Variants in FAM135B observed in about 807,000 individuals in gnomAD.
The protein encoded by FAM135B is protein FAM135B.
Under a neutral mutation model 127.7 loss-of-function variants are expected in FAM135B, and 43 were observed. The observed-to-expected ratio is 0.34, with a 90% CI of 0.26 to 0.43. The LOEUF (loss-of-function observed/expected upper bound fraction) is 0.43. Ranked by LOEUF, FAM135B falls within the 20% of genes least tolerant of loss-of-function variation. FAM135B has a pLI of 1.00. For missense variants in FAM135B, 1,558 were observed against 1,725.6 expected, an observed-to-expected ratio of 0.90 and a Z score of 1.72; for synonymous variants, 670 against 665.1, an observed-to-expected ratio of 1.01 and a Z score of -0.11.
At chr8:138,228,849 G>A (rs997190289) in intron 7 of FAM135B, among the ~76,000 whole-genome samples, 3 of 152,142 alleles carry the variant, frequency 2.0e-5, no homozygotes, top group African/African-American at 4.8e-5. Flanking sequence ...CCAGCCATCC[G>A]GCTGCAGCAT....
intron 1 of FAM135B, among the ~76,000 whole-genome samples, chr8:138,397,553 T>C (rs887302496): frequency 1.3e-5 from 2 of 152,196 alleles, no homozygotes; most frequent in Non-Finnish European, 2.9e-5. Flanking sequence ...TTGTAGTATG[T>C]TATGCACACA....
intron 9 of FAM135B, among the ~76,000 whole-genome samples, chr8:138,182,493 C>T (rs1005138277): frequency 2.0e-5 from 3 of 152,206 alleles, no homozygotes; most frequent in African/African-American, 7.2e-5. Flanking sequence ...CACTCCCCTA[C>T]TCCCTTGCTC....
At chr8:138,165,216 G>A (rs546455357) in intron 12 of FAM135B, among the ~76,000 whole-genome samples, 1 of 151,754 alleles carries the variant, frequency 6.6e-6, no homozygotes, top group Admixed American at 6.6e-5. Context: ...TGCCTCCCAG[G>A]TTCAAGCGAT....
chr8:138,257,720 C>G (rs1822200665), intron 4 of FAM135B, among the ~76,000 whole-genome samples: 1 of 152,004 alleles, frequency 6.6e-6, no homozygotes, highest in Non-Finnish European at 1.5e-5. Context: ...ATTTTGGAGG[C>G]AGTGTTACAA....
At chr8:138,457,997 A>C (rs1407258122) in intron 1 of FAM135B, among the ~76,000 whole-genome samples, 1 of 148,998 alleles carries the variant, frequency 6.7e-6, no homozygotes, top group Admixed American at 6.7e-5. Flanking sequence ...AAAAAGAGAG[A>C]GAAAAAAACT....
intron 4 of FAM135B, among the ~76,000 whole-genome samples, chr8:138,261,433 G>A (rs773439121): frequency 5.9e-5 from 9 of 152,166 alleles, no homozygotes; most frequent in Non-Finnish European, 1.2e-4. Context: ...TAGGAGCTTA[G>A]CACTAAATAC....
Position 138,143,204 on chromosome 8 carries a change from C to A in FAM135B, c.3541-95G>T, listed in dbSNP as rs961595258. 1.0e-5 allele frequency: 7 copies of A among 703,422 alleles called. No individual in the cohort carries two copies. In the African/African-American group the frequency reaches 1.0e-4, roughly 11 times the overall value. The allele number at this position is 703,422 out of a possible 1,614,324, so 43.6% of individuals were successfully genotyped here. A position where few individuals can be genotyped will look rare whatever the true frequency, so the allele number is the denominator to read the frequency against. ...GTTCTTCCACTAAACACTGTGGCGC[C>A]TACTGGGGATGTGCCTACCTCTGAT... On this transcript the variant is annotated intron_variant, in intron 15 of 19. Coordinates refer to ENST00000395297, the MANE Select transcript of FAM135B (RefSeq NM_015912.4).
At chr8:138,256,784 G>A (rs1822130407) in intron 4 of FAM135B, 25 bp from the exon 5 acceptor site, 2 of 1,589,040 alleles carry the variant, frequency 1.3e-6, no homozygotes, top group Non-Finnish European at 1.7e-6. Context: ...AAGTCCAAGG[G>A]ATTTCAGGAG....
chr8:138,265,898 A>G, intron 3 of FAM135B, 56 bp from the exon 4 acceptor site: 8 of 1,549,170 alleles, frequency 5.2e-6, no homozygotes, highest in Non-Finnish European at 7.0e-6. Context: ...CTGTACCTGC[A>G]GCCCTGTCAG....
intron 2 of FAM135B, among the ~76,000 whole-genome samples, chr8:138,335,660 G>C (rs377214746): frequency 2.0e-5 from 3 of 152,162 alleles, no homozygotes; most frequent in African/African-American, 7.2e-5. Context: ...AATAATGGGA[G>C]ACTTTAACAC....
At chr8:138,394,054 G>A (rs574193246) in intron 1 of FAM135B, among the ~76,000 whole-genome samples, 1 of 152,338 alleles carries the variant, frequency 6.6e-6, no homozygotes, top group African/African-American at 2.4e-5. Context: ...TCTGTGCCTT[G>A]ACTAAGAGGA....
rs2130405685 is a variant in FAM135B, at chr8:138,243,968, G to A, written c.543-900C>T. On this transcript the variant is annotated intron_variant, in intron 6 of 19. Transcript: ENST00000395297. This position sits in a 1 kb window ranked among gnomAD's most constrained non-coding sequence, Gnocchi z 7.5. Reference sequence around the variant, plus strand: ...GCAAAGAGGGTCTTGACAATAAATAGCCCCAGGTGACATCATCTTCATCAT... The same window carrying A: ...GCAAAGAGGGTCTTGACAATAAATAACCCCAGGTGACATCATCTTCATCAT... Among the ~76,000 whole-genome samples, 1 of 152,184 alleles carries A rather than the reference G, an allele frequency of 6.6e-6. No homozygotes were observed. Among genetic ancestry groups the A allele is most frequent in the Non-Finnish European group, 1.5e-5 (1 of 67,994 alleles).
chr8:138,236,074 ACT>A (rs758828488), intron 7 of FAM135B, among the ~76,000 whole-genome samples: 2 of 151,468 alleles, frequency 1.3e-5, no homozygotes, highest in East Asian at 1.9e-4. Flanking sequence ...AATGCCGGAC[ACT>A]CTATCTGTAA....
intron 14 of FAM135B, among the ~76,000 whole-genome samples, chr8:138,146,506 C>A (rs1273909043): frequency 1.3e-5 from 2 of 152,118 alleles, no homozygotes; most frequent in Non-Finnish European, 2.9e-5. Context: ...AGCCTCCCTA[C>A]CTCCCAACTG....
At chr8:138,149,746 A>G (rs1459580520) in intron 13 of FAM135B, among the ~76,000 whole-genome samples, 4 of 151,982 alleles carry the variant, frequency 2.6e-5, no homozygotes, top group African/African-American at 4.8e-5. Flanking sequence ...TGCTATCCCT[A>G]TTCACACCCA....
intron 11 of FAM135B, among the ~76,000 whole-genome samples, chr8:138,175,023 TC>T (rs2130948757): frequency 6.6e-6 from 1 of 152,350 alleles, no homozygotes; most frequent in Admixed American, 6.5e-5. Flanking sequence ...GAAGGACTCT[TC>T]CCTTTACACC....
At chr8:138,333,187 C>G (rs1014862711) in intron 2 of FAM135B, among the ~76,000 whole-genome samples, 2 of 152,142 alleles carry the variant, frequency 1.3e-5, no homozygotes, top group African/African-American at 4.8e-5. Flanking sequence ...CCAATTCATG[C>G]AACAAAGATC....
chr8:138,236,399 T>TACAC (rs35317285), intron 7 of FAM135B, among the ~76,000 whole-genome samples: 2,028 of 144,772 alleles, frequency 0.014, 32 homozygotes, highest in African/African-American at 0.044. Context: ...CACACACACA[T>TACAC]ACACACACAC....
intron 1 of FAM135B, among the ~76,000 whole-genome samples, chr8:138,415,335 G>A (rs965789746): frequency 1.3e-5 from 2 of 152,160 alleles, no homozygotes; most frequent in African/African-American, 4.8e-5. Context: ...GCCCAGAGCA[G>A]GTGTCCTGTT....
Sources: allele counts gnomAD v4.1 joint callset (sites outside exome capture counted in the v4.1 genomes callset), GRCh38; gene constraint gnomAD v4.1.1; non-coding constraint Gnocchi (gnomAD v3.1); transcripts MANE v1.5; gene names NCBI Gene and HGNC (gene_info 2026-07-23, HGNC 2026-07-21).